Variants in TNRC6A observed in about 807,000 individuals in gnomAD.
The protein encoded by TNRC6A is trinucleotide repeat-containing gene 6A protein.
TNRC6A carries 44 observed loss-of-function variants against 221.2 expected under a neutral mutation model. That is an observed-to-expected ratio of 0.20 (90% CI 0.16 to 0.26). The LOEUF (loss-of-function observed/expected upper bound fraction) is 0.26. Among genes scored for constraint, TNRC6A ranks in the 10% least tolerant of loss-of-function variants. The pLI, the probability that TNRC6A is intolerant of heterozygous loss-of-function variation, is 1.00. For synonymous variants in TNRC6A, 847 were observed against 838.5 expected, an observed-to-expected ratio of 1.01 and a Z score of -0.18; for missense variants, 2,199 against 2,404.4, an observed-to-expected ratio of 0.91 and a Z score of 1.79.
At position 24,806,283 on chromosome 16, in the gene TNRC6A, G is replaced by C; in HGVS notation, c.4329G>C (p.Gln1443His). 6.2e-7 allele frequency: 1 copy of C among 1,614,096 alleles called. No individual in the cohort carries two copies. Among genetic ancestry groups the C allele is most frequent in the South Asian group, 1.1e-5 (1 of 91,088 alleles). Residue 1443 changes from glutamine to histidine, a missense_variant and splice_region_variant, in exon 16 of 25, where the codon CAG (glutamine) becomes CAC (histidine). Gln to His is a conservative substitution (Grantham distance 24). Around this residue, in one of 8 missense-constraint regions of TNRC6A, gnomAD observed 449 missense variants for 579.7 expected, o/e 0.77. Transcript: ENST00000395799. Reference sequence around the variant, plus strand: ...GGAACCGGCCGCAGCAAGACCAGCAGGTAGAGCCCGCCCTGCAACTCGCAA... The same window carrying C: ...GGAACCGGCCGCAGCAAGACCAGCACGTAGAGCCCGCCCTGCAACTCGCAA... ...PSGNRPQQDQ[Q>H]GRPLSVQQQM... is the part of the protein sequence containing the mutation.
intron 8 of TNRC6A, 30 bp from the exon 9 acceptor site, chr16:24,795,877 G>A (rs115257305): frequency 1.0e-5 from 16 of 1,578,134 alleles, no homozygotes; most frequent in Non-Finnish European, 1.4e-5. Context: ...ACTGGACCAT[G>A]CTGTTTTGTG....
chr16:24,613,567 G>A lies in TNRC6A; in HGVS notation n.276+3083G>A, dbSNP rs184714776. On this transcript the variant is annotated intron_variant and non_coding_transcript_variant, in intron 1 of 2. Transcript: ENST00000566108. ...TTTAGAGATAGAGTCTTGCTCTGTC[G>A]CCCAGGCTGGAGTGCAGTTGTTCGA... 1.5e-3 allele frequency among the ~76,000 whole-genome samples: 222 copies of A among 148,916 alleles called. 1 individual carries two copies. Among genetic ancestry groups the A allele is most frequent in the African/African-American group, 4.9e-3 (196 of 40,284 alleles).
At chr16:24,810,537 G>A (rs1231115596) in intron 18 of TNRC6A, among the ~76,000 whole-genome samples, 3 of 152,176 alleles carry the variant, frequency 2.0e-5, no homozygotes, top group Admixed American at 1.3e-4. Flanking sequence ...TGCAGGTGTG[G>A]TGGGTCTAGA....
intron 2 of TNRC6A, among the ~76,000 whole-genome samples, chr16:24,657,139 G>A (rs537384954): frequency 1.3e-5 from 2 of 151,006 alleles, no homozygotes; most frequent in South Asian, 2.1e-4. Flanking sequence ...ATAGCAAGAC[G>A]CTATCTTCTA....
intron 1 of TNRC6A, among the ~76,000 whole-genome samples, chr16:24,625,188 C>T (rs2141626985): frequency 6.6e-6 from 1 of 152,296 alleles, no homozygotes; most frequent in African/African-American, 2.4e-5. Context: ...ATAGAAGATT[C>T]AGAGCTAAGG....
At chr16:24,733,106 A>C (rs1168358543) in intron 2 of TNRC6A, among the ~76,000 whole-genome samples, 1 of 151,886 alleles carries the variant, frequency 6.6e-6, no homozygotes, top group African/African-American at 2.4e-5. Context: ...ATTCCCAGCT[A>C]CCCGGGAGGC....
At chr16:24,621,502 C>G (rs560091462) in intron 1 of TNRC6A, among the ~76,000 whole-genome samples, 2 of 151,636 alleles carry the variant, frequency 1.3e-5, no homozygotes, top group Admixed American at 1.3e-4. Context: ...GGAATTCAGG[C>G]GTGCGGCACC....
chr16:24,654,877 C>T (rs1902877257), intron 2 of TNRC6A, among the ~76,000 whole-genome samples: 1 of 152,110 alleles, frequency 6.6e-6, no homozygotes, highest in African/African-American at 2.4e-5. Context: ...CAAAAACATT[C>T]TGGACAGAAT....
chr16:24,645,065 A>G (rs1902201997), intron 2 of TNRC6A, among the ~76,000 whole-genome samples: 1 of 152,248 alleles, frequency 6.6e-6, no homozygotes, highest in Admixed American at 6.5e-5. Flanking sequence ...AGAACAGCAT[A>G]TGCAGGTTGT....
intron 2 of TNRC6A, among the ~76,000 whole-genome samples, chr16:24,646,655 T>A (rs1902306339): frequency 6.6e-6 from 1 of 152,188 alleles, no homozygotes; most frequent in African/African-American, 2.4e-5. Context: ...TAAGTGAAAT[T>A]TTTTTGGTCA....
intron 2 of TNRC6A, among the ~76,000 whole-genome samples, chr16:24,699,831 C>T (rs192252415): frequency 3.1e-4 from 47 of 152,138 alleles, no homozygotes; most frequent in Non-Finnish European, 5.7e-4. Flanking sequence ...AACAGTCAAC[C>T]CTGAGGACTT....
At chr16:24,673,926 AG>A (rs1185601784) in intron 2 of TNRC6A, among the ~76,000 whole-genome samples, 2 of 152,222 alleles carry the variant, frequency 1.3e-5, no homozygotes, top group Non-Finnish European at 2.9e-5. Flanking sequence ...CAATGACAAA[AG>A]TCCTCACCCT....
rs1243604860 is a variant in TNRC6A, at chr16:24,804,305, C to A, written c.3823C>A (p.Pro1275Thr). The stretch of plus-strand genomic sequence containing the variant: ...CAAAGAGTCTTCCATGGAGCGCAAT[C>A]CTTATTTTGATAAGGTAAGGTTTTT... The part of the protein sequence containing the change: ...ISKESSMERN[P>T]YFDKDGIVAD... Residue 1275 changes from proline to threonine, a missense_variant, in exon 12 of 25, where the codon CCT (proline) becomes ACT (threonine). Physicochemically the swap from Pro to Thr is conservative, Grantham distance 38. This residue lies in a region of TNRC6A where 158 missense variants were observed against 159.1 expected (regional missense o/e 0.99). Transcript: ENST00000395799. The A allele has an allele frequency of 1.4e-5, 23 of 1,612,334 alleles. No homozygotes were observed. Among genetic ancestry groups the A allele is most frequent in the Non-Finnish European group, 1.8e-5 (21 of 1,179,724 alleles).
rs117821015 is a variant in TNRC6A, at chr16:24,777,228, G to A, written c.459G>A (p.Gln153=). ...ACAAACAGCTTCTAAAGAGGGGTCAGCATTTTCCTGTTATAGCAGCAAACC... is the reference window on the plus strand; with the variant it reads ...ACAAACAGCTTCTAAAGAGGGGTCAACATTTTCCTGTTATAGCAGCAAACC... ...QEHKQLLKRG[Q]HFPVIAANLG... is the part of the protein sequence containing the mutation. Residue 153 remains glutamine, a synonymous_variant, in exon 5 of 25, where the codon CAG becomes CAA. Transcript: ENST00000395799. 18,547 of 1,614,178 alleles carry A rather than the reference G, an allele frequency of 0.011. 140 individuals carry two copies. Among genetic ancestry groups the A allele is most frequent in the Middle Eastern group, 0.016 (97 of 6,062 alleles).
intron 2 of TNRC6A, among the ~76,000 whole-genome samples, chr16:24,705,424 C>T (rs183038924): frequency 2.0e-5 from 3 of 152,202 alleles, no homozygotes; most frequent in East Asian, 1.9e-4. Context: ...CTCCAACTCC[C>T]GGGTTCCAGT....
rs767414532 is a variant in TNRC6A at position 24,750,745 on chromosome 16, G to C, written c.73G>C (p.Glu25Gln). The change falls in exon 3 of 25, where the codon GAA becomes CAA. Residue 25 changes from glutamate to glutamine, a missense_variant. Transcript: ENST00000395799. ...NLSRDLVQEE[E>Q]QLMEEKKKKK... Reference sequence around the variant, plus strand: ...GTTCAGGGATTTAGTGCAAGAAGAAGAACAGTTGATGGAAGAAAAGAAAAA... The same window carrying C: ...GTTCAGGGATTTAGTGCAAGAAGAACAACAGTTGATGGAAGAAAAGAAAAA... 2.0e-5 allele frequency: 31 copies of C among 1,551,140 alleles called. No individual in the cohort carries two copies. Among genetic ancestry groups the C allele is most frequent in the Non-Finnish European group, 1.7e-5 (20 of 1,154,566 alleles).
chr16:24,795,584 A>G (rs957189329), intron 8 of TNRC6A: 8 of 295,882 alleles, frequency 2.7e-5, no homozygotes, highest in African/African-American at 1.5e-4. Context: ...GTAACTGCCA[A>G]GGTTCCTCAC....
intron 17 of TNRC6A, among the ~76,000 whole-genome samples, chr16:24,808,968 C>T (rs906491449): frequency 1.3e-5 from 2 of 152,228 alleles, no homozygotes; most frequent in Admixed American, 6.5e-5. Context: ...TAAGATATAT[C>T]TGTCCCCAGC....
intron 2 of TNRC6A, among the ~76,000 whole-genome samples, chr16:24,710,301 C>A (rs1340786304): frequency 1.3e-5 from 2 of 151,394 alleles, no homozygotes; most frequent in Non-Finnish European, 2.9e-5. Flanking sequence ...TTTTCCTCAA[C>A]AAAATAAGAG....
Sources: gnomAD v4.1 joint callset for allele counts (sites outside exome capture counted in the v4.1 genomes callset) on GRCh38, gnomAD v4.1.1 for gene constraint, gnomAD v4.1.1 regional missense constraint, MANE v1.5 for transcripts, NCBI Gene and HGNC (gene_info 2026-07-23, HGNC 2026-07-21) for gene names.